Variants in SUSD4 observed in about 807,000 individuals in gnomAD.
SUSD4 encodes the protein sushi domain-containing protein 4.
In SUSD4, 41 loss-of-function variants were observed where a neutral mutation model predicts 50.5. The observed-to-expected ratio is 0.81, with a 90% CI of 0.63 to 1.05. The LOEUF (loss-of-function observed/expected upper bound fraction) is 1.05, where lower values mean the gene tolerates loss of function less well. SUSD4 is among the 50% of genes least tolerant of loss of function. SUSD4 has a pLI of 0.00. For missense variants in SUSD4, 580 were observed against 634.7 expected, an observed-to-expected ratio of 0.91 and a Z score of 0.93; for synonymous variants, 257 against 257.3, an observed-to-expected ratio of 1.00 and a Z score of 0.01.
At chr1:223,340,127 G>A (rs1341973237) in intron 2 of SUSD4, among the ~76,000 whole-genome samples, 3 of 152,226 alleles carry the variant, frequency 2.0e-5, no homozygotes, top group African/African-American at 7.2e-5. Context: ...CAGGAGCATT[G>A]TGGCTGGTGC....
intron 2 of SUSD4, among the ~76,000 whole-genome samples, chr1:223,362,726 T>C (rs1197620960): frequency 6.6e-6 from 1 of 152,110 alleles, no homozygotes; most frequent in Non-Finnish European, 1.5e-5. Flanking sequence ...GCCCCCAACA[T>C]ACACATACAT....
rs369566887 is a variant in SUSD4 at position 223,234,755 on chromosome 1, C to T, written c.725-5367G>A. 7.8e-4 allele frequency among the ~76,000 whole-genome samples: 118 copies of T among 152,224 alleles called. 2 individuals carry two copies. Among genetic ancestry groups the T allele is most frequent in the Middle Eastern group, 3.4e-3 (1 of 294 alleles). The stretch of plus-strand genomic sequence containing the variant: ...GTCCATTTTAGGGATGTCTTAGTGA[C>T]GTGAAATAGAGCTTTGCCAGTCCCA... On this transcript the variant is annotated intron_variant, in intron 5 of 8. Coordinates refer to ENST00000366878, the MANE Select transcript of SUSD4 (RefSeq NM_017982.4).
intron 2 of SUSD4, among the ~76,000 whole-genome samples, chr1:223,294,929 T>C (rs1486336562): frequency 6.6e-6 from 1 of 152,192 alleles, no homozygotes; most frequent in Non-Finnish European, 1.5e-5. Flanking sequence ...ATGTCAACCA[T>C]TTCCTTTCAT....
intron 2 of SUSD4, among the ~76,000 whole-genome samples, chr1:223,293,974 T>G (rs17163774): frequency 0.44 from 67,338 of 151,442 alleles, 15,361 homozygotes; most frequent in African/African-American, 0.56. Context: ...AAACAAACAC[T>G]GATGTCATAA....
At chr1:223,338,260 G>A (rs937881606) in intron 2 of SUSD4, among the ~76,000 whole-genome samples, 6 of 152,202 alleles carry the variant, frequency 3.9e-5, no homozygotes, top group Non-Finnish European at 8.8e-5. Context: ...GGACCCCGAG[G>A]AGTGAGGCCG....
chr1:223,359,833 G>A (rs975456276), intron 2 of SUSD4, among the ~76,000 whole-genome samples: 4 of 152,242 alleles, frequency 2.6e-5, no homozygotes, highest in Admixed American at 1.3e-4. Context: ...AAAAGTTGGG[G>A]ATAGAAAGAA....
At chr1:223,299,292 A>G (rs972034063) in intron 2 of SUSD4, among the ~76,000 whole-genome samples, 1 of 152,230 alleles carries the variant, frequency 6.6e-6, no homozygotes, top group Non-Finnish European at 1.5e-5. Context: ...CATTCAAATA[A>G]TCTTATCCTA....
chr1:223,353,773 C>G (rs1383543557), intron 2 of SUSD4, among the ~76,000 whole-genome samples: 1 of 152,118 alleles, frequency 6.6e-6, no homozygotes, highest in Non-Finnish European at 1.5e-5. Flanking sequence ...CGCCCCCTGG[C>G]CACCATCACT....
At chr1:223,228,776 C>T (rs1418775485) in intron 6 of SUSD4, among the ~76,000 whole-genome samples, 1 of 151,944 alleles carries the variant, frequency 6.6e-6, no homozygotes, top group Admixed American at 6.6e-5. Flanking sequence ...CTGGTCACAC[C>T]CACAGGCCTG....
At chr1:223,314,439 C>T (rs1197821114) in intron 2 of SUSD4, among the ~76,000 whole-genome samples, 1 of 152,078 alleles carries the variant, frequency 6.6e-6, no homozygotes, top group African/African-American at 2.4e-5. Flanking sequence ...AGTGATGATG[C>T]CATGACCCAC....
At chr1:223,331,181 C>T (rs1037761638) in intron 2 of SUSD4, among the ~76,000 whole-genome samples, 4 of 152,202 alleles carry the variant, frequency 2.6e-5, no homozygotes, top group African/African-American at 4.8e-5. Flanking sequence ...TTTTTGCTGA[C>T]GGAATTAGCA....
At chr1:223,343,199 T>A (rs1232628662) in intron 2 of SUSD4, among the ~76,000 whole-genome samples, 1 of 152,180 alleles carries the variant, frequency 6.6e-6, no homozygotes, top group Non-Finnish European at 1.5e-5. Context: ...TCTCCCTTGA[T>A]CTTCACCTGG....
Position 223,229,099 on chromosome 1 carries a change from G to A in SUSD4, c.916+98C>T, listed in dbSNP as rs79446368. ...ATATCCTGTTCCTGACACTGGGTGGGGGAGGAGAGATACAGCTTGGTACAT... is the reference window on the plus strand; with the variant it reads ...ATATCCTGTTCCTGACACTGGGTGGAGGAGGAGAGATACAGCTTGGTACAT... On this transcript the variant is annotated intron_variant, in intron 6 of 8. Coordinates refer to ENST00000366878, the MANE Select transcript of SUSD4 (RefSeq NM_017982.4). This position sits in a 1 kb window ranked among gnomAD's most constrained non-coding sequence, Gnocchi z 4.7. 6,987 of 1,233,946 alleles carry A rather than the reference G, an allele frequency of 5.7e-3. 340 individuals carry two copies. The East Asian group carries it at 0.11, about 20-fold the overall frequency. The allele number at this position is 1,233,946 out of a possible 1,614,324, so 76.4% of individuals were successfully genotyped here. A position where few individuals can be genotyped will look rare whatever the true frequency, so the allele number is the denominator to read the frequency against.
intron 2 of SUSD4, among the ~76,000 whole-genome samples, chr1:223,316,509 C>T (rs886914228): frequency 3.9e-5 from 6 of 152,230 alleles, no homozygotes; most frequent in Non-Finnish European, 7.4e-5. Context: ...CAGGACTGGA[C>T]GTTTCTCCTC....
intron 7 of SUSD4, among the ~76,000 whole-genome samples, chr1:223,224,531 A>G (rs1222318822): frequency 6.6e-6 from 1 of 152,160 alleles, no homozygotes; most frequent in Admixed American, 6.5e-5. Flanking sequence ...TGTGAGCACT[A>G]TGTCACTACC....
chr1:223,321,495 T>G (rs1344853072), intron 2 of SUSD4, among the ~76,000 whole-genome samples: 1 of 152,266 alleles, frequency 6.6e-6, no homozygotes, highest in Non-Finnish European at 1.5e-5. Context: ...TGTTATTATC[T>G]TCACCATCAC....
rs73120288 is a variant in SUSD4, at chr1:223,223,945, C to T, written c.1062-314G>A. Among the ~76,000 whole-genome samples the T allele has an allele frequency of 9.2e-3, 1,404 of 152,328 alleles. 15 individuals carry two copies. Among genetic ancestry groups the T allele is most frequent in the African/African-American group, 0.032 (1,314 of 41,586 alleles). On this transcript the variant is annotated intron_variant, in intron 7 of 8. Transcript: ENST00000366878. ...TGACCTGTGGGCTTTGGCCTTCTGG[C>T]CATAAGCTCATGGAGCAAGGGACAA...
At chr1:223,289,977 C>T (rs180941034) in intron 3 of SUSD4, among the ~76,000 whole-genome samples, 54 of 152,302 alleles carry the variant, frequency 3.5e-4, no homozygotes, top group Non-Finnish European at 5.6e-4. Context: ...CTCTCTGAAC[C>T]TCAGTTTCCT....
intron 4 of SUSD4, 79 bp from the exon 5 acceptor site, chr1:223,264,897 C>CTT: frequency 6.9e-7 from 1 of 1,441,028 alleles, no homozygotes; most frequent in South Asian, 1.4e-5. Flanking sequence ...AACACTGGAA[C>CTT]TTTTTAGGAT....
Sources: allele counts gnomAD v4.1 joint callset (sites outside exome capture counted in the v4.1 genomes callset), GRCh38; gene constraint gnomAD v4.1.1; non-coding constraint Gnocchi (gnomAD v3.1); transcripts MANE v1.5; gene names NCBI Gene and HGNC (gene_info 2026-07-23, HGNC 2026-07-21).